The following RBFOX1 variants were observed in gnomAD, a reference collection of about 807,000 sequenced individuals.
RBFOX1 encodes the protein RNA binding fox-1 homolog 1, also known as RNA binding protein fox-1 homolog 1.
In RBFOX1, 8 loss-of-function variants were observed where a neutral mutation model predicts 57.7. The ratio of observed to expected loss-of-function variants is 0.14; its 90% CI spans 0.08 to 0.25. RBFOX1 has a LOEUF of 0.25. Among genes scored for constraint, RBFOX1 ranks in the 10% least tolerant of loss-of-function variants. The pLI is 1.00. For synonymous variants in RBFOX1, 326 were observed against 222.4 expected, an observed-to-expected ratio of 1.47 and a Z score of -4.15; for missense variants, 611 against 548.5, an observed-to-expected ratio of 1.11 and a Z score of -1.14.
chr16:7,392,228 G>T (rs1437442657), intron 4 of RBFOX1, among the ~76,000 whole-genome samples: 12 of 151,952 alleles, frequency 7.9e-5, no homozygotes, highest in Non-Finnish European at 1.8e-4. Context: ...CTTTTTCATG[G>T]AAGCCCTCCC....
chr16:5,806,880 G>C (rs1378793163), intron 3 of RBFOX1, among the ~76,000 whole-genome samples: 1 of 152,162 alleles, frequency 6.6e-6, no homozygotes, highest in Non-Finnish European at 1.5e-5. Context: ...GTTCCCAAAT[G>C]CTCTTTCTAA....
In RBFOX1 at chr16:7,439,680, A is replaced by G. The variant is rs1025176351; in HGVS notation, c.28-78467A>G. ...ATTAAATAACTGTTTTAAAGGCACT[A>G]TTCATGCAAGTGCTGTCTCATTTGT... On this transcript the variant is annotated intron_variant, in intron 4 of 15. Coordinates refer to ENST00000550418, the MANE Select transcript of RBFOX1 (RefSeq NM_018723.4). Among the ~76,000 whole-genome samples, 4 of 152,326 alleles carry G rather than the reference A, an allele frequency of 2.6e-5. No individual in the cohort carries two copies. The East Asian group carries it at 5.8e-4, about 22-fold the overall frequency.
chr16:6,239,485 CTTTTTTTTT>C (rs59244306), intron 1 of RBFOX1, among the ~76,000 whole-genome samples: 44 of 67,796 alleles, frequency 6.5e-4, no homozygotes, highest in African/African-American at 8.5e-4. Context: ...CCAACTGACT[CTTTTTTTTT>C]TTTTTTTTTT....
chr16:6,842,862 C>A (rs1217613048), intron 3 of RBFOX1, among the ~76,000 whole-genome samples: 1 of 152,036 alleles, frequency 6.6e-6, no homozygotes, highest in Non-Finnish European at 1.5e-5. Context: ...TGATGTTCCC[C>A]TCCCTGTGTC....
At chr16:7,407,135 A>G (rs1328527756) in intron 4 of RBFOX1, among the ~76,000 whole-genome samples, 1 of 151,996 alleles carries the variant, frequency 6.6e-6, no homozygotes, top group Non-Finnish European at 1.5e-5. Flanking sequence ...TTTAGTGGTG[A>G]TTTGTGCGAT....
chr16:7,323,493 A>G (rs2096571963), intron 4 of RBFOX1, among the ~76,000 whole-genome samples: 1 of 152,200 alleles, frequency 6.6e-6, no homozygotes, highest in Admixed American at 6.5e-5. Flanking sequence ...TCCATATCGC[A>G]TTCAAAAAAA....
chr16:5,526,031 G>A (rs996772549), intron 2 of RBFOX1, among the ~76,000 whole-genome samples: 1 of 152,052 alleles, frequency 6.6e-6, no homozygotes, highest in East Asian at 1.9e-4. Flanking sequence ...GGGGGCGGAC[G>A]GGCAGTCACA....
chr16:6,121,178 G>T (rs1389300333), intron 1 of RBFOX1, among the ~76,000 whole-genome samples: 1 of 152,128 alleles, frequency 6.6e-6, no homozygotes, highest in African/African-American at 2.4e-5. Context: ...CAAAATACAT[G>T]CACTGCAGGT....
At chr16:5,631,734 C>T (rs1392681871) in intron 3 of RBFOX1, among the ~76,000 whole-genome samples, 1 of 152,080 alleles carries the variant, frequency 6.6e-6, no homozygotes, top group Non-Finnish European at 1.5e-5. Context: ...TGAGTTTTGG[C>T]TCTTAGGAGG....
At chr16:5,765,244 A>T (rs536817376) in intron 3 of RBFOX1, among the ~76,000 whole-genome samples, 1 of 152,304 alleles carries the variant, frequency 6.6e-6, no homozygotes, top group Non-Finnish European at 1.5e-5. Context: ...CAAACCCAAC[A>T]AGAACAGGGC....
At chr16:6,630,419 G>T (rs2098369889) in intron 2 of RBFOX1, among the ~76,000 whole-genome samples, 1 of 152,140 alleles carries the variant, frequency 6.6e-6, no homozygotes. Context: ...GTTGATGATG[G>T]TAAGGTTAAT....
chr16:5,895,346 A>C (rs936983516), intron 4 of RBFOX1, among the ~76,000 whole-genome samples: 1 of 152,342 alleles, frequency 6.6e-6, no homozygotes, highest in South Asian at 2.1e-4. Context: ...TGCCCATTAC[A>C]TTATCTGTCT....
chr16:5,921,341 G>A (rs1010343215), intron 4 of RBFOX1, among the ~76,000 whole-genome samples: 4 of 152,156 alleles, frequency 2.6e-5, no homozygotes, highest in Non-Finnish European at 4.4e-5. Context: ...TCCCCTTGGA[G>A]GGATAGCAAT....
intron 12 of RBFOX1, among the ~76,000 whole-genome samples, chr16:7,654,559 C>T (rs956522768): frequency 6.6e-6 from 1 of 152,106 alleles, no homozygotes; most frequent in African/African-American, 2.4e-5. Context: ...GTTTGTTTCC[C>T]ATTGCCAATT....
chr16:6,512,299 AG>A (rs2096271739), intron 2 of RBFOX1, among the ~76,000 whole-genome samples: 2 of 145,934 alleles, frequency 1.4e-5, no homozygotes, highest in East Asian at 2.0e-4. Context: ...AAAAAAAAAA[AG>A]GTAAGAGAAA....
chr16:7,517,438 A>G (rs1351511016), intron 4 of RBFOX1, among the ~76,000 whole-genome samples: 1 of 152,040 alleles, frequency 6.6e-6, no homozygotes, highest in Non-Finnish European at 1.5e-5. Flanking sequence ...TTTTTCAGAA[A>G]TGCTTAAAAT....
intron 4 of RBFOX1, among the ~76,000 whole-genome samples, chr16:5,942,716 C>T (rs1394881754): frequency 6.6e-6 from 1 of 152,148 alleles, no homozygotes. Flanking sequence ...CCCCGAACAA[C>T]CAAGGGTAGT....
At chr16:6,544,129 A>C (rs1211944845) in intron 2 of RBFOX1, among the ~76,000 whole-genome samples, 1 of 152,150 alleles carries the variant, frequency 6.6e-6, no homozygotes, top group Non-Finnish European at 1.5e-5. Flanking sequence ...TTGCATCCCC[A>C]GCACCAGTAG....
At chr16:7,191,017 C>T (rs2085249700) in intron 4 of RBFOX1, among the ~76,000 whole-genome samples, 1 of 152,058 alleles carries the variant, frequency 6.6e-6, no homozygotes, top group Non-Finnish European at 1.5e-5. Context: ...TCTCCCACCC[C>T]CACATAGTGT....
Sources: allele counts gnomAD v4.1 joint callset (sites outside exome capture counted in the v4.1 genomes callset), GRCh38; gene constraint gnomAD v4.1.1; transcripts MANE v1.5; gene names NCBI Gene and HGNC (gene_info 2026-07-23, HGNC 2026-07-21).